The following LARP4B variants were observed in gnomAD, a reference collection of about 807,000 sequenced individuals.
LARP4B encodes the protein la-related protein 4B.
Under a neutral mutation model 89.8 loss-of-function variants are expected in LARP4B, and 12 were observed. That is an observed-to-expected ratio of 0.13 (90% confidence interval 0.09 to 0.22). The LOEUF (loss-of-function observed/expected upper bound fraction) is 0.22. Ranked by LOEUF, LARP4B falls within the 10% of genes least tolerant of loss-of-function variation. LARP4B has a pLI of 1.00. For synonymous variants in LARP4B, 367 were observed against 363.3 expected, an observed-to-expected ratio of 1.01 and a Z score of -0.12; for missense variants, 757 against 947.7, an observed-to-expected ratio of 0.80 and a Z score of 2.64.
chr10:968,549 A>C, the LARP4B span, among the ~76,000 whole-genome samples: 2 of 146,402 alleles, frequency 1.4e-5, no homozygotes, highest in Non-Finnish European at 2.9e-5. Context: ...AGGGTCCTCT[A>C]ATCTAAGGAA....
At chr10:911,838 CTT>C (rs1196453055) in intron 1 of LARP4B, among the ~76,000 whole-genome samples, 1 of 152,204 alleles carries the variant, frequency 6.6e-6, no homozygotes, top group Non-Finnish European at 1.5e-5. Context: ...GAGACCCTGA[CTT>C]TTGTGTGTGC....
the LARP4B span, among the ~76,000 whole-genome samples, chr10:939,111 G>C: frequency 2.0e-5 from 3 of 152,252 alleles, no homozygotes; most frequent in Non-Finnish European, 2.9e-5. Context: ...TTCCATGACA[G>C]CGTATGGCTC....
chr10:808,075 T>C (rs1016269159), downstream of LARP4B: 2 of 152,206 alleles, frequency 1.3e-5, no homozygotes, highest in Admixed American at 1.3e-4. Flanking sequence ...CTTTGGTGGG[T>C]GGAGGCGGAA....
intron 12 of LARP4B, 147 bp downstream of exon 12, chr10:825,617 T>C (rs1273339705): frequency 2.8e-5 from 18 of 643,688 alleles, no homozygotes; most frequent in South Asian, 1.8e-4. Context: ...TGCCAGATTG[T>C]AGTGCTTAGT....
At chr10:896,988 ATTTTTTT>A (rs58205872) in intron 1 of LARP4B, among the ~76,000 whole-genome samples, 181 of 137,468 alleles carry the variant, frequency 1.3e-3, no homozygotes, top group Middle Eastern at 3.7e-3. Flanking sequence ...TTGTGGGAGA[ATTTTTTT>A]TTTTTTTTTT....
intron 3 of LARP4B, among the ~76,000 whole-genome samples, chr10:883,964 C>G (rs1421499997): frequency 6.6e-6 from 1 of 152,138 alleles, no homozygotes; most frequent in Non-Finnish European, 1.5e-5. Context: ...CTCTGAAGCA[C>G]TTTATATATG....
chr10:975,704 C>T, the LARP4B span, among the ~76,000 whole-genome samples: 1 of 151,970 alleles, frequency 6.6e-6, no homozygotes, highest in Non-Finnish European at 1.5e-5. Flanking sequence ...AGGCCTGTCG[C>T]GTAATGTGCA....
chr10:866,232 G>T (rs17221428), intron 3 of LARP4B, among the ~76,000 whole-genome samples: 3,504 of 151,996 alleles, frequency 0.023, 61 homozygotes, highest in Non-Finnish European at 0.038. Flanking sequence ...TGGTGATAGG[G>T]CAAATTATTG....
At chr10:885,031 C>A (rs1411411061) in intron 2 of LARP4B, among the ~76,000 whole-genome samples, 1 of 152,162 alleles carries the variant, frequency 6.6e-6, no homozygotes, top group Non-Finnish European at 1.5e-5. Context: ...GGGCTCAGGA[C>A]TTTCTCCCCA....
the LARP4B span, among the ~76,000 whole-genome samples, chr10:956,479 G>A: frequency 6.6e-6 from 1 of 152,016 alleles, no homozygotes; most frequent in Admixed American, 6.5e-5. This position sits in a 1 kb window ranked among gnomAD's most constrained non-coding sequence, Gnocchi z 4.3. Context: ...CCTAGTAGCT[G>A]GGACTACAGG....
chr10:840,241 T>C (rs149083613), intron 7 of LARP4B, among the ~76,000 whole-genome samples: 319 of 152,310 alleles, frequency 2.1e-3, no homozygotes, highest in African/African-American at 7.2e-3. Flanking sequence ...TTATGGTATG[T>C]AAATTCTACC....
chr10:843,138 G>A, intron 6 of LARP4B, 70 bp from the exon 7 acceptor site: 1 of 1,392,954 alleles, frequency 7.2e-7, no homozygotes, highest in Middle Eastern at 1.9e-4. Flanking sequence ...TGTAATTCCA[G>A]TTTCACAAGA....
intron 1 of LARP4B, among the ~76,000 whole-genome samples, 175 bp downstream of exon 1, chr10:931,253 G>A (rs1228719218): frequency 6.9e-6 from 1 of 144,118 alleles, no homozygotes; most frequent in Non-Finnish European, 1.5e-5. Flanking sequence ...CCTAGCCCCG[G>A]TCCTCCTCAA....
At chr10:975,039 T>G in the LARP4B span, among the ~76,000 whole-genome samples, 1 of 152,222 alleles carries the variant, frequency 6.6e-6, no homozygotes, top group Non-Finnish European at 1.5e-5. Context: ...CCTGGCTCCT[T>G]GTGTGTCCAC....
At chr10:936,054 T>C (rs942254297), upstream of LARP4B, among the ~76,000 whole-genome samples, 1 of 152,134 alleles carries the variant, frequency 6.6e-6, no homozygotes, top group African/African-American at 2.4e-5. Context: ...CCCGAAGCAT[T>C]TTCTGTGAAA....
intron 8 of LARP4B, among the ~76,000 whole-genome samples, chr10:834,963 C>T (rs1041449977): frequency 3.6e-4 from 54 of 150,942 alleles, no homozygotes; most frequent in African/African-American, 1.3e-3. Context: ...GCACTCGAAC[C>T]TGGGAGGTGG....
At chr10:927,441 C>T (rs1481965580) in intron 1 of LARP4B, among the ~76,000 whole-genome samples, 1 of 152,102 alleles carries the variant, frequency 6.6e-6, no homozygotes, top group East Asian at 1.9e-4. Flanking sequence ...TTTTGAGAAC[C>T]TAGCAGTTTT....
the LARP4B span, among the ~76,000 whole-genome samples, chr10:975,348 CGT>C: frequency 6.6e-6 from 1 of 152,176 alleles, no homozygotes; most frequent in African/African-American, 2.4e-5. Context: ...AATGTCCCCA[CGT>C]GTTTAGTACA....
intron 1 of LARP4B, among the ~76,000 whole-genome samples, chr10:908,528 C>A (rs900747222): frequency 6.7e-6 from 1 of 149,886 alleles, no homozygotes; most frequent in African/African-American, 2.4e-5. Context: ...TAGGGATGAG[C>A]CCTCATTCTG....
Sources: gnomAD v4.1 joint callset for allele counts (sites outside exome capture counted in the v4.1 genomes callset) on GRCh38, gnomAD v4.1.1 for gene constraint, Gnocchi (gnomAD v3.1) non-coding constraint, MANE v1.5 for transcripts, NCBI Gene and HGNC (gene_info 2026-07-23, HGNC 2026-07-21) for gene names.